The following OCM2 variants were observed in gnomAD, a reference collection of about 807,000 sequenced individuals.
OCM2 encodes the protein oncomodulin-2.
In OCM2, 6 loss-of-function variants were observed where a neutral mutation model predicts 13.6. That is an observed-to-expected ratio of 0.44 (90% CI 0.24 to 0.87). OCM2 has a LOEUF of 0.87. Among genes scored for constraint, OCM2 ranks in the 40% least tolerant of loss-of-function variants. The pLI is 0.22. For missense variants in OCM2, 118 were observed against 136.8 expected (o/e 0.86, Z 0.68); for synonymous variants, 40 against 50.7 (o/e 0.79, Z 0.90).
chr7:97,987,400 C>T (rs1343700451), intron 2 of OCM2, among the ~76,000 whole-genome samples: 2 of 152,136 alleles, frequency 1.3e-5, no homozygotes, highest in Non-Finnish European at 2.9e-5. Flanking sequence ...GGCTGGAATG[C>T]AGTGATACCA....
At chr7:97,986,413 A>G (rs34180334) in intron 3 of OCM2, among the ~76,000 whole-genome samples, 15,717 of 152,138 alleles carry the variant, frequency 0.1, 945 homozygotes, top group African/African-American at 0.16. Context: ...GAGTTGGCAG[A>G]CACAAAGTAG....
At chr7:97,986,913 A>G in intron 3 of OCM2, 134 bp downstream of exon 3, 7 of 1,426,622 alleles carry the variant, frequency 4.9e-6, no homozygotes, top group Non-Finnish European at 6.6e-6. Context: ...CTCATTTTAC[A>G]GATGAGAAGA....
chr7:97,984,698 T>A lies in OCM2; in HGVS notation c.*260A>T, dbSNP rs181234731. 1,707 of 498,350 alleles carry A rather than the reference T, an allele frequency of 3.4e-3. 17 individuals are homozygous for A. Among genetic ancestry groups the A allele is most frequent in the African/African-American group, 0.029 (1,541 of 52,272 alleles). 30.9% of individuals were successfully genotyped at this position (498,350 alleles called of 1,614,324 possible). A position where few individuals can be genotyped will look rare whatever the true frequency, so the allele number is the denominator to read the frequency against. The stretch of plus-strand genomic sequence containing the variant: ...ACAACAGCAGATGTTGAGAAGCCTG[T>A]CTTTATTGGGTGATTTTTAGAGGCA... On this transcript the variant is annotated 3_prime_UTR_variant, in exon 4 of 4. Transcript: ENST00000257627.
chr7:97,990,013 AAATCC>A, intron 1 of OCM2, 26 bp downstream of exon 1: 3 of 1,505,136 alleles, frequency 2.0e-6, no homozygotes, highest in Non-Finnish European at 2.8e-6. Context: ...AGCTGTGAGG[AAATCC>A]CACCCCCGCC....
rs1215314837 is a variant in OCM2 at position 97,986,575 on chromosome 7, G to A, written c.304+472C>T. 5.9e-5 allele frequency among the ~76,000 whole-genome samples: 9 copies of A among 152,228 alleles called. No individual in the cohort carries two copies. The South Asian group carries it at 1.2e-3, about 21-fold the overall frequency. ...GTTCTCTGTTTAATATTATCCCCTTGGCGGGCTAATGTCCAATAAAATATA... is the reference window on the plus strand; with the variant it reads ...GTTCTCTGTTTAATATTATCCCCTTAGCGGGCTAATGTCCAATAAAATATA... On this transcript the variant is annotated intron_variant, in intron 3 of 3. Transcript: ENST00000257627.
chr7:97,989,600 G>A (rs1388571465), intron 1 of OCM2, among the ~76,000 whole-genome samples: 2 of 151,872 alleles, frequency 1.3e-5, no homozygotes, highest in South Asian at 2.1e-4. Context: ...TAGAGATGGA[G>A]TCTTGTTATG....
At chr7:97,987,217 C>G (rs1794681872) in intron 2 of OCM2, 61 bp from the exon 3 acceptor site, 12 of 1,599,694 alleles carry the variant, frequency 7.5e-6, no homozygotes, top group Middle Eastern at 1.7e-4. Flanking sequence ...TGTGTTTAGA[C>G]TTTTGTTTTT....
intron 3 of OCM2, among the ~76,000 whole-genome samples, chr7:97,986,587 T>G (rs1238367911): frequency 2.0e-5 from 3 of 152,188 alleles, no homozygotes; most frequent in African/African-American, 7.2e-5. Context: ...CGGGCTAATG[T>G]CCAATAAAAT....
chr7:97,987,542 G>A (rs899553928), intron 2 of OCM2, among the ~76,000 whole-genome samples: 1 of 152,092 alleles, frequency 6.6e-6, no homozygotes, highest in South Asian at 2.1e-4. Context: ...TAGAGACAAG[G>A]TTTTGTCATG....
chr7:97,988,086 G>A (rs951470181), intron 2 of OCM2, among the ~76,000 whole-genome samples: 6 of 151,980 alleles, frequency 3.9e-5, no homozygotes, highest in African/African-American at 1.5e-4. Flanking sequence ...AGCCACTTGG[G>A]AGACTGAGGC....
chr7:97,986,474 G>A (rs1225311158), intron 3 of OCM2, among the ~76,000 whole-genome samples: 1 of 152,130 alleles, frequency 6.6e-6, no homozygotes, highest in African/African-American at 2.4e-5. Flanking sequence ...TAGTCCTACA[G>A]CTATGCTAGT....
intron 3 of OCM2, among the ~76,000 whole-genome samples, chr7:97,985,256 T>C (rs537562853): frequency 6.6e-6 from 1 of 151,866 alleles, no homozygotes; most frequent in Non-Finnish European, 1.5e-5. Context: ...CTGTCTCTAC[T>C]AAAAATACAA....
intron 3 of OCM2, among the ~76,000 whole-genome samples, chr7:97,986,299 G>A (rs556220426): frequency 1.4e-5 from 2 of 144,086 alleles, no homozygotes; most frequent in African/African-American, 2.7e-5. Context: ...TGTAGTAAGC[G>A]ATAGTGGTAT....
intron 3 of OCM2, among the ~76,000 whole-genome samples, 156 bp downstream of exon 3, chr7:97,986,890 TC>T (rs1215476140): frequency 1.3e-5 from 2 of 152,110 alleles, no homozygotes; most frequent in African/African-American, 4.8e-5. Flanking sequence ...ATCATTTGCA[TC>T]CTTACTTTAG....
At chr7:97,987,259 G>A (rs563599135) in intron 2 of OCM2, 103 bp from the exon 3 acceptor site, 23 of 1,327,556 alleles carry the variant, frequency 1.7e-5, no homozygotes, top group Non-Finnish European at 5.3e-6. Flanking sequence ...TCCAGCACCT[G>A]CAATAATTAG....
At chr7:97,984,821 A>C in exon 4 of OCM2, 1 of 1,236,788 alleles carries the variant, frequency 8.1e-7, no homozygotes, top group Non-Finnish European at 1.1e-6. Flanking sequence ...CGCTAAAACA[A>C]TGAGCAAACT....
intron 3 of OCM2, among the ~76,000 whole-genome samples, chr7:97,986,176 G>C (rs1345646153): frequency 6.6e-6 from 1 of 152,182 alleles, no homozygotes; most frequent in Non-Finnish European, 1.5e-5. Flanking sequence ...GCCTCCAAAA[G>C]TGCTGGGATT....
chr7:97,985,983 G>A (rs1049348623), intron 3 of OCM2, among the ~76,000 whole-genome samples: 1 of 151,972 alleles, frequency 6.6e-6, no homozygotes, highest in Admixed American at 6.6e-5. Context: ...TGCCATCTTG[G>A]CTCACTGCAA....
In OCM2 at chr7:97,988,406, C is replaced by T. The variant is rs1481577215; in HGVS notation, c.194+10G>A. The T allele has an allele frequency of 6.2e-7, 1 of 1,614,088 alleles. No individual in the cohort carries two copies. The highest frequency in any genetic ancestry group is 2.2e-5 in the East Asian group (1 of 44,880). ...TGCCAGGTACCAGACAGCCTCAGGA[C>T]AAAGCTTACTTAAGCTCTTCTTCAT... On this transcript the variant is annotated intron_variant, in intron 2 of 3. Transcript: ENST00000257627.
Sources: allele counts gnomAD v4.1 joint callset (sites outside exome capture counted in the v4.1 genomes callset), GRCh38; gene constraint gnomAD v4.1.1; transcripts MANE v1.5; gene names NCBI Gene and HGNC (gene_info 2026-07-23, HGNC 2026-07-21).